The following RALGAPB variants were observed in gnomAD, a reference collection of about 807,000 sequenced individuals.
RALGAPB encodes ral GTPase-activating protein subunit beta.
In RALGAPB, 25 loss-of-function variants were observed where a neutral mutation model predicts 161.1. The observed-to-expected ratio is 0.16, with a 90% CI of 0.11 to 0.22. RALGAPB has a LOEUF of 0.22. RALGAPB is among the 10% of genes least tolerant of loss of function. The pLI is 1.00. For missense variants in RALGAPB, 1,391 were observed against 1,815.2 expected (o/e 0.77, Z 4.25); for synonymous variants, 629 against 626.1 (o/e 1.00, Z -0.07).
At chr20:38,482,450 CAG>C (rs1313255992) in intron 1 of RALGAPB, among the ~76,000 whole-genome samples, 1 of 104,876 alleles carries the variant, frequency 9.5e-6, no homozygotes, top group African/African-American at 3.2e-5. Context: ...TTTTTTGAGA[CAG>C]AGTCTTGCTG....
At chr20:38,515,717 C>CTTTTTCTTTTTTTCTT (rs151170103) in intron 6 of RALGAPB, among the ~76,000 whole-genome samples, 1 of 151,586 alleles carries the variant, frequency 6.6e-6, no homozygotes, top group Non-Finnish European at 1.5e-5. Context: ...CATTCCATTG[C>CTTTTTCTTTTTTTCTT]TTTTTCTTTT....
chr20:38,565,608 T>C, intron 25 of RALGAPB, 130 bp downstream of exon 25: 1 of 1,175,720 alleles, frequency 8.5e-7, no homozygotes, highest in Non-Finnish European at 1.2e-6. Context: ...ATTATAACAA[T>C]ATGCAGAAGC....
rs145068711 is a variant in RALGAPB at position 38,488,259 on chromosome 20, A to G, written c.-30-144A>G. On this transcript the variant is annotated intron_variant, in intron 1 of 29. Transcript: ENST00000262879. ...TAGTTTGAAAAACATTGATAGTTTC[A>G]TGACCCACAGTTTGAAAAACATTGA... is the stretch of plus-strand genomic sequence containing the variant. The G allele has an allele frequency of 3.9e-3, 2,114 of 543,130 alleles. 11 individuals are homozygous for G. Among genetic ancestry groups the G allele is most frequent in the Non-Finnish European group, 5.0e-3 (1,568 of 311,266 alleles). The allele number at this position is 543,130 out of a possible 1,614,324, so 33.6% of individuals were successfully genotyped here.
intron 5 of RALGAPB, among the ~76,000 whole-genome samples, chr20:38,506,010 A>G (rs2085751077): frequency 6.6e-6 from 1 of 151,906 alleles, no homozygotes; most frequent in Non-Finnish European, 1.5e-5. Context: ...ATATTTGGCA[A>G]AAAATTTCAC....
chr20:38,550,812 T>C (rs2087348840), intron 20 of RALGAPB, among the ~76,000 whole-genome samples: 1 of 152,186 alleles, frequency 6.6e-6, no homozygotes, highest in Non-Finnish European at 1.5e-5. Flanking sequence ...GATTCAGGCC[T>C]GCAGCAGTAG....
At chr20:38,536,481 G>A (rs2086810106) in intron 16 of RALGAPB, among the ~76,000 whole-genome samples, 1 of 152,160 alleles carries the variant, frequency 6.6e-6, no homozygotes, top group East Asian at 1.9e-4. Flanking sequence ...TTCTTCGGGT[G>A]TACACTAGGA....
In RALGAPB at chr20:38,575,555, ATTTTTT is replaced by A. The variant is rs546270847; in HGVS notation, c.*590_*595del. 6.5e-6 allele frequency: 1 copy of A among 153,808 alleles called. No homozygotes were observed. The highest frequency in any genetic ancestry group is 1.4e-5 in the Non-Finnish European group (1 of 69,052). 9.5% of individuals were successfully genotyped at this position (153,808 alleles called of 1,614,324 possible). On this transcript the variant is annotated 3_prime_UTR_variant, in exon 30 of 30. Coordinates refer to ENST00000262879, the MANE Select transcript of RALGAPB (RefSeq NM_020336.4). ...GAAGCCTGACATTAAAAGATGTCAT[ATTTTTT>A]TCTCCACATTTCAAAAAGTTGTCCT...
At chr20:38,524,745 AGTTT>A (rs772124481) in intron 10 of RALGAPB, 29 bp from the exon 11 acceptor site, 14 of 1,500,978 alleles carry the variant, frequency 9.3e-6, no homozygotes, top group East Asian at 2.3e-5. Context: ...TTTGATCAGC[AGTTT>A]GTTTAAAATT....
intron 4 of RALGAPB, among the ~76,000 whole-genome samples, chr20:38,498,548 A>G (rs775516630): frequency 6.6e-6 from 1 of 152,210 alleles, no homozygotes; most frequent in African/African-American, 2.4e-5. Context: ...ACAGTCATTG[A>G]TTCATCACCT....
chr20:38,497,327 C>A (rs771681998), intron 3 of RALGAPB, 26 bp from the exon 4 acceptor site: 1 of 1,607,678 alleles, frequency 6.2e-7, no homozygotes, highest in Non-Finnish European at 8.5e-7. Context: ...CCAGGCTTGT[C>A]AGTGATATCT....
Position 38,567,241 on chromosome 20 carries a change from C to T in RALGAPB, c.3954+9C>T, listed in dbSNP as rs369561702. 6.2e-7 allele frequency: 1 copy of T among 1,608,650 alleles called. No homozygotes were observed. The highest frequency in any genetic ancestry group is 8.5e-7 in the Non-Finnish European group (1 of 1,177,702). On this transcript the variant is annotated intron_variant, in intron 26 of 29. Transcript: ENST00000262879. ...TTAATTCCTCACAGAGGGTAAGTTA[C>T]TTTGTTGATAGGTCTCCAAAATTTT... is the stretch of plus-strand genomic sequence containing the variant.
chr20:38,505,606 A>G (rs1159642343), intron 5 of RALGAPB, among the ~76,000 whole-genome samples: 4 of 152,074 alleles, frequency 2.6e-5, no homozygotes, highest in Non-Finnish European at 5.9e-5. Context: ...CAGATAAATT[A>G]TTAGCATCTT....
intron 16 of RALGAPB, among the ~76,000 whole-genome samples, chr20:38,536,980 C>T (rs907879561): frequency 1.3e-5 from 2 of 152,172 alleles, no homozygotes; most frequent in African/African-American, 4.8e-5. Flanking sequence ...TCTTTGAGAG[C>T]AAGGTACTGT....
At position 38,525,901 on chromosome 20, in the gene RALGAPB, C is replaced by G; in HGVS notation, c.1909C>G (p.Leu637Val). Residue 637 changes from leucine to valine, a missense_variant, in exon 13 of 30, where the codon CTG (leucine) becomes GTG (valine). This residue lies in a region of RALGAPB where 946 missense variants were observed against 1,257.2 expected (regional missense o/e 0.75). Coordinates refer to ENST00000262879, the MANE Select transcript of RALGAPB (RefSeq NM_020336.4). ...TTATTTGTTTTTTCCATAGGTGGTC[C>G]TGGAAGGAAAGTTTAGTAACGATGA... is the stretch of plus-strand genomic sequence containing the variant. ...HFGTVKSEVVLEGKFSNDDSS... is the reference protein window; with the variant it reads ...HFGTVKSEVVVEGKFSNDDSS... 1 of 1,611,584 alleles carries G rather than the reference C, an allele frequency of 6.2e-7. No homozygotes were observed. The highest frequency in any genetic ancestry group is 8.5e-7 in the Non-Finnish European group (1 of 1,179,392).
intron 26 of RALGAPB, chr20:38,568,572 AT>A (rs1363013018): frequency 6.6e-6 from 1 of 152,230 alleles, no homozygotes; most frequent in Non-Finnish European, 1.5e-5. Context: ...GTACATAAAG[AT>A]TAGAAACAAA....
At chr20:38,573,398 G>A (rs1465527206) in intron 28 of RALGAPB, among the ~76,000 whole-genome samples, 1 of 151,668 alleles carries the variant, frequency 6.6e-6, no homozygotes, top group East Asian at 1.9e-4. Context: ...AAAATTCATT[G>A]GGTTGCAAAA....
intron 13 of RALGAPB, among the ~76,000 whole-genome samples, chr20:38,527,147 T>G (rs553355142): frequency 2.0e-4 from 30 of 152,362 alleles, no homozygotes; most frequent in African/African-American, 2.6e-4. Flanking sequence ...TTAGAGGCTT[T>G]CTTTCTTCTC....
At chr20:38,533,522 C>A (rs6070492) in intron 15 of RALGAPB, among the ~76,000 whole-genome samples, 1 of 152,096 alleles carries the variant, frequency 6.6e-6, no homozygotes, top group African/African-American at 2.4e-5. Context: ...GGAGTGATAT[C>A]TAGATTCTTA....
intron 21 of RALGAPB, among the ~76,000 whole-genome samples, chr20:38,551,571 C>T (rs1406848872): frequency 6.6e-6 from 1 of 152,132 alleles, no homozygotes; most frequent in Non-Finnish European, 1.5e-5. Context: ...CTATTTCACT[C>T]ATATGGAATT....
Sources: allele counts gnomAD v4.1 joint callset (sites outside exome capture counted in the v4.1 genomes callset), GRCh38; gene constraint gnomAD v4.1.1; regional missense constraint gnomAD v4.1.1; transcripts MANE v1.5; gene names NCBI Gene and HGNC (gene_info 2026-07-23, HGNC 2026-07-21).